Variants in POFUT3 observed in about 807,000 individuals in gnomAD.
The protein encoded by POFUT3 is GDP-fucose protein O-fucosyltransferase 3.
At chr8:33,316,778 G>T in the POFUT3 span, among the ~76,000 whole-genome samples, 1 of 151,028 alleles carries the variant, frequency 6.6e-6, no homozygotes, top group Admixed American at 6.6e-5. Flanking sequence ...GCAAAAATTT[G>T]TTGTGTCTGT....
At chr8:33,386,765 A>G in the POFUT3 span, among the ~76,000 whole-genome samples, 7 of 152,272 alleles carry the variant, frequency 4.6e-5, no homozygotes, top group East Asian at 3.9e-4. Flanking sequence ...AGCCGAGATC[A>G]CGCCACCGCA....
chr8:33,402,625 A>G, the POFUT3 span, among the ~76,000 whole-genome samples: 1 of 152,238 alleles, frequency 6.6e-6, no homozygotes, highest in Admixed American at 6.5e-5. Context: ...CGAGTAATAC[A>G]ATGTATAAAT....
the POFUT3 span, among the ~76,000 whole-genome samples, chr8:33,333,592 C>T: frequency 6.7e-6 from 1 of 149,514 alleles, no homozygotes; most frequent in Non-Finnish European, 1.5e-5. Context: ...TAGAGTATTC[C>T]TGAGAGAGCA....
At chr8:33,316,406 GTTTTGAAAACCA>G in the POFUT3 span, among the ~76,000 whole-genome samples, 2 of 151,898 alleles carry the variant, frequency 1.3e-5, no homozygotes, top group African/African-American at 4.8e-5. Flanking sequence ...GGTCTAGTGG[GTTTTGAAAACCA>G]TTTTGAAAAA....
chr8:33,454,886 T>G, the POFUT3 span, among the ~76,000 whole-genome samples: 3 of 152,012 alleles, frequency 2.0e-5, no homozygotes, highest in Non-Finnish European at 2.9e-5. Flanking sequence ...CAGGCTGGTC[T>G]CAAACTCCTG....
chr8:33,376,721 C>T, the POFUT3 span, among the ~76,000 whole-genome samples: 1 of 152,128 alleles, frequency 6.6e-6, no homozygotes, highest in Admixed American at 6.5e-5. Flanking sequence ...CTATGAATAT[C>T]AAGTTCAAAG....
the POFUT3 span, among the ~76,000 whole-genome samples, chr8:33,380,079 T>TAC: frequency 8.4e-5 from 5 of 59,352 alleles, 1 homozygote; most frequent in South Asian, 3.4e-3. Context: ...ATATATACAC[T>TAC]ATATATACTA....
the POFUT3 span, among the ~76,000 whole-genome samples, chr8:33,410,895 G>A: frequency 1.8e-4 from 27 of 152,186 alleles, no homozygotes; most frequent in East Asian, 4.5e-3. Context: ...ACACAGTGCC[G>A]TCTGCCCAGG....
At chr8:33,469,796 ACT>A in the POFUT3 span, among the ~76,000 whole-genome samples, 1 of 128,950 alleles carries the variant, frequency 7.8e-6, no homozygotes, top group African/African-American at 3.0e-5. Flanking sequence ...CAGATTTTTT[ACT>A]TTTTCTTTTT....
chr8:33,457,174 A>G, the POFUT3 span, among the ~76,000 whole-genome samples: 1 of 152,124 alleles, frequency 6.6e-6, no homozygotes, highest in East Asian at 1.9e-4. Context: ...TGGGACAGAC[A>G]TGGTGGCTCA....
chr8:33,406,893 T>C, the POFUT3 span, among the ~76,000 whole-genome samples: 7 of 152,100 alleles, frequency 4.6e-5, no homozygotes, highest in African/African-American at 1.4e-4. Flanking sequence ...AATTTTGACA[T>C]AGTGATACGT....
At chr8:33,319,920 C>T in the POFUT3 span, among the ~76,000 whole-genome samples, 1 of 148,752 alleles carries the variant, frequency 6.7e-6, no homozygotes, top group East Asian at 2.0e-4. Flanking sequence ...CAGCTCTTGG[C>T]ACTGACATAA....
the POFUT3 span, among the ~76,000 whole-genome samples, chr8:33,422,545 CAAAAAAAAAAAAA>C: frequency 1.1e-4 from 4 of 37,130 alleles, no homozygotes; most frequent in Non-Finnish European, 1.6e-4. Context: ...AACTCTGTCT[CAAAAAAAAAAAAA>C]AAAAAAAAAA....
chr8:33,388,802 AAAAG>A, the POFUT3 span: 5 of 642,184 alleles, frequency 7.8e-6, no homozygotes, highest in East Asian at 1.4e-4. Context: ...CGACAGTCCC[AAAAG>A]GTAGTAATGG....
chr8:33,357,047 C>T, the POFUT3 span, among the ~76,000 whole-genome samples: 2 of 152,110 alleles, frequency 1.3e-5, no homozygotes, highest in Non-Finnish European at 2.9e-5. Context: ...GTTTTGGTAC[C>T]AGTACCATGC....
At chr8:33,451,878 G>T in the POFUT3 span, 1 of 152,074 alleles carries the variant, frequency 6.6e-6, no homozygotes, top group Non-Finnish European at 1.5e-5. Flanking sequence ...AATGCCAGAT[G>T]CTTATAAAAC....
the POFUT3 span, chr8:33,436,398 A>C: frequency 2.3e-4 from 322 of 1,418,762 alleles, 5 homozygotes; most frequent in South Asian, 3.4e-3. Context: ...CGTCTGGACC[A>C]TACTCCTCAA....
the POFUT3 span, among the ~76,000 whole-genome samples, chr8:33,365,911 C>T: frequency 6.6e-6 from 1 of 152,162 alleles, no homozygotes; most frequent in Admixed American, 6.5e-5. Context: ...ACTGGGTATA[C>T]ACCCAAAGGA....
the POFUT3 span, among the ~76,000 whole-genome samples, chr8:33,417,583 A>G: frequency 2.0e-5 from 3 of 152,146 alleles, no homozygotes; most frequent in East Asian, 1.9e-4. Context: ...AAAATAAAAT[A>G]AAATAAATCC....
Sources: gnomAD v4.1 joint callset for allele counts (sites outside exome capture counted in the v4.1 genomes callset) on GRCh38, gnomAD v4.1.1 for gene constraint, MANE v1.5 for transcripts, NCBI Gene and HGNC (gene_info 2026-07-23, HGNC 2026-07-21) for gene names.